Variants in ZBTB25 observed in about 807,000 individuals in gnomAD.
The protein encoded by ZBTB25 is zinc finger and BTB domain containing 25.
A neutral mutation model predicts 34.2 loss-of-function variants in ZBTB25; 20 were observed. That is an observed-to-expected ratio of 0.58 (90% confidence interval 0.41 to 0.85). The LOEUF is 0.85. Among genes scored for constraint, ZBTB25 ranks in the 40% least tolerant of loss-of-function variants. ZBTB25 has a pLI of 0.00. For missense variants in ZBTB25, 437 were observed against 521.8 expected (o/e 0.84, Z 1.58); for synonymous variants, 175 against 186.4 (o/e 0.94, Z 0.50).
intron 1 of ZBTB25, among the ~76,000 whole-genome samples, chr14:64,498,924 G>A (rs1203952396): frequency 3.3e-5 from 5 of 152,040 alleles, no homozygotes; most frequent in African/African-American, 9.7e-5. Context: ...GTGAGCCACC[G>A]CGCCCAGCCC....
Position 64,480,674 on chromosome 14 carries a change from G to C in ZBTB25, c.*6249C>G, listed in dbSNP as rs77705278. 0.033 allele frequency: 5,093 copies of C among 154,302 alleles called. 138 individuals are homozygous for C. Among genetic ancestry groups the C allele is most frequent in the Non-Finnish European group, 0.045 (3,128 of 69,328 alleles). 9.6% of individuals were successfully genotyped at this position (154,302 alleles called of 1,614,324 possible). On this transcript the variant is annotated 3_prime_UTR_variant, in exon 3 of 3. Transcript: ENST00000608382. ...AAATATATGAAATTCATTGTTTCTT[G>C]CTCTGTCGCCAGGCTGGAGTGCAGT...
rs60057039 is a variant in ZBTB25 at position 64,463,227 on chromosome 14, A to AACACAC, written c.174-13595_174-13590dup. 4.9e-3 allele frequency: 708 copies of AACACAC among 144,196 alleles called. 3 individuals carry two copies. The highest frequency in any genetic ancestry group is 0.014 in the African/African-American group (564 of 39,560). The allele number at this position is 144,196 out of a possible 1,614,324, so 8.9% of individuals were successfully genotyped here. A position where few individuals can be genotyped will look rare whatever the true frequency, so the allele number is the denominator to read the frequency against. ...CATGCATGAGGTACTGGATACATTA[A>AACACAC]ACACACACACACACACACACACACA... is the stretch of plus-strand genomic sequence containing the variant. On this transcript the variant is annotated intron_variant, in intron 2 of 2. Coordinates refer to the ZBTB25 transcript ENST00000555220.
Position 64,486,267 on chromosome 14 carries a change from G to A in ZBTB25, c.*656C>T, listed in dbSNP as rs1180533688. 4.1e-6 allele frequency: 4 copies of A among 968,750 alleles called. No individual in the cohort carries two copies. Among genetic ancestry groups the A allele is most frequent in the South Asian group, 4.8e-5 (1 of 20,916 alleles). 60.0% of individuals were successfully genotyped at this position (968,750 alleles called of 1,614,324 possible). ...CAGTCAGCCGAGATCGCGCCACTGC[G>A]CCCCAGCCTGGGCGACACAGAGAGA... On this transcript the variant is annotated 3_prime_UTR_variant, in exon 3 of 3. Coordinates refer to ENST00000608382, the MANE Select transcript of ZBTB25 (RefSeq NM_006977.5).
chr14:64,492,148 C>G (rs954607411), intron 1 of ZBTB25, among the ~76,000 whole-genome samples: 3 of 132,088 alleles, frequency 2.3e-5, no homozygotes, highest in Admixed American at 2.2e-4. Context: ...AAGGCAGACT[C>G]TATTAAAACT....
intron 1 of ZBTB25, chr14:64,502,525 G>C: frequency 2.0e-6 from 1 of 494,910 alleles, no homozygotes; most frequent in Non-Finnish European, 2.6e-6. Context: ...GGTGGCTGGG[G>C]GGTGTAGGCT....
chr14:64,464,622 C>T (rs1021773668), intron 2 of ZBTB25, among the ~76,000 whole-genome samples: 4 of 152,140 alleles, frequency 2.6e-5, no homozygotes, highest in Admixed American at 2.6e-4. Flanking sequence ...TTCACTTCAC[C>T]TTACCAGGTT....
downstream of ZBTB25, chr14:64,474,607 TCTA>T (rs2078703358): frequency 6.2e-6 from 1 of 162,408 alleles, no homozygotes; most frequent in Non-Finnish European, 1.5e-5. Context: ...TACCAAAAGT[TCTA>T]CTCTGCTAAT....
chr14:64,475,222 A>AGGTC (rs2078708689), downstream of ZBTB25, among the ~76,000 whole-genome samples: 2 of 152,012 alleles, frequency 1.3e-5, no homozygotes, highest in Non-Finnish European at 2.9e-5. Flanking sequence ...GGCGGATCAC[A>AGGTC]AGGTCAGGAG....
In ZBTB25 at chr14:64,486,495, A is replaced by C; in HGVS notation, c.*428T>G. 2.1e-6 allele frequency: 2 copies of C among 963,218 alleles called. No homozygotes were observed. Among genetic ancestry groups the C allele is most frequent in the Non-Finnish European group, 2.5e-6 (2 of 809,118 alleles). 59.7% of individuals were successfully genotyped at this position (963,218 alleles called of 1,614,324 possible). A position where few individuals can be genotyped will look rare whatever the true frequency, so the allele number is the denominator to read the frequency against. On this transcript the variant is annotated 3_prime_UTR_variant, in exon 3 of 3. Transcript: ENST00000608382. ...ACTATTAATTTCCTATATGGAAGAA[A>C]ATATTTAAAAATAATCCTGGTAGGA... is the stretch of plus-strand genomic sequence containing the variant.
exon 3 of ZBTB25, chr14:64,449,613 T>C (rs775330471): frequency 1.2e-6 from 2 of 1,614,076 alleles, no homozygotes; most frequent in Non-Finnish European, 1.7e-6. Flanking sequence ...AGCTCCTTTA[T>C]GACCTCAAGG....
In ZBTB25 at chr14:64,486,340, G is replaced by C. The variant is rs139720797; in HGVS notation, c.*583C>G. On this transcript the variant is annotated 3_prime_UTR_variant, in exon 3 of 3. Transcript: ENST00000608382. ...GGTATACTCAATGTTAAAAAGTAAA[G>C]AGAAGCCATGTAGGTAAGATGTTGT... 656 of 984,970 alleles carry C rather than the reference G, an allele frequency of 6.7e-4. 2 individuals are homozygous for C. The African/African-American group carries it at 0.011, about 16-fold the overall frequency. The allele number at this position is 984,970 out of a possible 1,614,324, so 61.0% of individuals were successfully genotyped here.
At chr14:64,463,204 T>C (rs991067213) in intron 2 of ZBTB25, 5 of 148,076 alleles carry the variant, frequency 3.4e-5, no homozygotes, top group Admixed American at 2.0e-4. Context: ...GTTTCTTTCA[T>C]GCATGAGGTA....
Position 64,486,611 on chromosome 14 carries a change from G to T in ZBTB25, c.*312C>A. On this transcript the variant is annotated 3_prime_UTR_variant, in exon 3 of 3. Coordinates refer to ENST00000608382, the MANE Select transcript of ZBTB25 (RefSeq NM_006977.5). Reference sequence around the variant, plus strand: ...ACTTTATATTCAATTTGATTTTACTGATTCTATAACTGGAAAAACTTAGAA... The same window carrying T: ...ACTTTATATTCAATTTGATTTTACTTATTCTATAACTGGAAAAACTTAGAA... The T allele has an allele frequency of 1.0e-6, 1 of 954,266 alleles. No homozygotes were observed. Among genetic ancestry groups the T allele is most frequent in the Non-Finnish European group, 1.3e-6 (1 of 786,848 alleles). The allele number at this position is 954,266 out of a possible 1,614,324, so 59.1% of individuals were successfully genotyped here.
chr14:64,458,588 T>C, intron 2 of ZBTB25: 3 of 463,622 alleles, frequency 6.5e-6, no homozygotes, highest in East Asian at 8.9e-5. Context: ...CAGAGGAAAC[T>C]ACAGGAGAGG....
At chr14:64,500,302 A>G (rs867621229) in intron 1 of ZBTB25, among the ~76,000 whole-genome samples, 1 of 152,122 alleles carries the variant, frequency 6.6e-6, no homozygotes, top group African/African-American at 2.4e-5. Context: ...CACACTACTC[A>G]AGTGGGCTAA....
At chr14:64,455,978 G>T (rs2078466018) in intron 2 of ZBTB25, among the ~76,000 whole-genome samples, 1 of 152,196 alleles carries the variant, frequency 6.6e-6, no homozygotes, top group African/African-American at 2.4e-5. Context: ...ATCCCTTGTG[G>T]TAGGAATTTT....
chr14:64,468,448 A>G, intron 2 of ZBTB25: 1 of 1,613,884 alleles, frequency 6.2e-7, no homozygotes, highest in Non-Finnish European at 8.5e-7. Flanking sequence ...AGAAGAGATC[A>G]GCAGAAGGTA....
In ZBTB25 at chr14:64,458,837, A is replaced by G. The variant is rs59470472; in HGVS notation, c.174-9199T>C. On this transcript the variant is annotated intron_variant, in intron 2 of 2. Transcript: ENST00000555220. ...GCAATGAGTGACATTGCATTGTTTGATATTTTTGAAATTTCAACAGGACGT... is the reference window on the plus strand; with the variant it reads ...GCAATGAGTGACATTGCATTGTTTGGTATTTTTGAAATTTCAACAGGACGT... Among the ~76,000 whole-genome samples, 1,474 of 152,292 alleles carry G rather than the reference A, an allele frequency of 9.7e-3. 24 individuals carry two copies. The highest frequency in any genetic ancestry group is 0.032 in the African/African-American group (1,323 of 41,550).
downstream of ZBTB25, among the ~76,000 whole-genome samples, chr14:64,477,215 G>A (rs1432484178): frequency 6.6e-6 from 1 of 152,208 alleles, no homozygotes; most frequent in African/African-American, 2.4e-5. Context: ...ACGCACAGCT[G>A]TGCCATTGGC....
Sources: gnomAD v4.1 joint callset for allele counts (sites outside exome capture counted in the v4.1 genomes callset) on GRCh38, gnomAD v4.1.1 for gene constraint, MANE v1.5 for transcripts, NCBI Gene and HGNC (gene_info 2026-07-23, HGNC 2026-07-21) for gene names.